ATP1A4: variants seen among roughly 807,000 people sequenced by gnomAD.
ATP1A4 encodes the protein ATPase Na+/K+ transporting subunit alpha 4.
A neutral mutation model predicts 114.3 loss-of-function variants in ATP1A4; 90 were observed. The observed-to-expected ratio is 0.79, with a 90% CI of 0.66 to 0.94. ATP1A4 has a LOEUF of 0.94. Ranked by LOEUF, ATP1A4 falls within the 40% of genes least tolerant of loss-of-function variation. ATP1A4 has a pLI of 0.00. For synonymous variants in ATP1A4, 511 were observed against 494.1 expected (o/e 1.03, Z -0.45); for missense variants, 1,222 against 1,313.6 (o/e 0.93, Z 1.08).
chr1:160,152,708 G>A (rs147008381), intron 1 of ATP1A4, among the ~76,000 whole-genome samples: 2 of 152,226 alleles, frequency 1.3e-5, no homozygotes, highest in African/African-American at 2.4e-5. Flanking sequence ...CCGAACCCCC[G>A]TGAAATGTTT....
rs777428254 is a variant in ATP1A4 at position 160,156,071 on chromosome 1, C to A, written c.438C>A (p.Val146=). The stretch of plus-strand genomic sequence containing the variant: ...TCTACCTGAGCATCGTACTGTCCGT[C>A]GTGGTCATCGTCACTGGCTGCTTCT... ...DNLYLSIVLS[V]VVIVTGCFSY... The change falls in exon 4 of 22, where the codon GTC becomes GTA. Residue 146 remains valine (V), a synonymous_variant. Transcript: ENST00000368081. 1 of 1,613,672 alleles carries A rather than the reference C, an allele frequency of 6.2e-7. No individual in the cohort carries two copies. The highest frequency in any genetic ancestry group is 1.1e-5 in the South Asian group (1 of 91,072).
In ATP1A4 at chr1:160,181,752, G is replaced by A. The variant is rs770276208; in HGVS notation, c.2805G>A (p.Val935=). The part of the protein sequence containing the change: ...QTAFFVTIVV[V]QWADLIISKT... ...CCTTTTTTGTCACCATCGTGGTTGT[G>A]CAGTGGGCGGATCTCATCATCTCCA... The change falls in exon 19 of 22, where the codon GTG becomes GTA. Residue 935 remains valine, a synonymous_variant. Coordinates refer to ENST00000368081, the MANE Select transcript of ATP1A4 (RefSeq NM_144699.4). 3 of 1,614,016 alleles carry A rather than the reference G, an allele frequency of 1.9e-6. No homozygotes were observed. Among genetic ancestry groups the A allele is most frequent in the Non-Finnish European group, 8.5e-7 (1 of 1,180,014 alleles).
chr1:160,159,767 A>G (rs7541968), intron 6 of ATP1A4, among the ~76,000 whole-genome samples: 37,996 of 152,172 alleles, frequency 0.25, 6,036 homozygotes, highest in East Asian at 0.35. Flanking sequence ...TATATGTAAA[A>G]TGCCCAGCAC....
At chr1:160,156,413 A>G (rs1420781233) in intron 4 of ATP1A4, among the ~76,000 whole-genome samples, 1 of 132,066 alleles carries the variant, frequency 7.6e-6, no homozygotes, top group Non-Finnish European at 1.6e-5. Context: ...CACCATACAA[A>G]CCCCAAATAA....
At position 160,151,988 on chromosome 1, in the gene ATP1A4, C is replaced by T. The variant is rs1477616933; in HGVS notation, c.-53C>T. Reference sequence around the variant, plus strand: ...CCTCTTCCCTTCCCCTTGCCTCACTCTCTCAGCTTTCTTCCCACAGTTGAG... The same window carrying T: ...CCTCTTCCCTTCCCCTTGCCTCACTTTCTCAGCTTTCTTCCCACAGTTGAG... On this transcript the variant is annotated 5_prime_UTR_variant, in exon 1 of 22. Coordinates refer to ENST00000368081, the MANE Select transcript of ATP1A4 (RefSeq NM_144699.4). The T allele has an allele frequency of 6.3e-7, 1 of 1,577,538 alleles. No homozygotes were observed. Among genetic ancestry groups the T allele is most frequent in the African/African-American group, 1.4e-5 (1 of 73,506 alleles).
intron 1 of ATP1A4, among the ~76,000 whole-genome samples, chr1:160,152,762 C>A (rs892807789): frequency 6.6e-6 from 1 of 152,058 alleles, no homozygotes; most frequent in Non-Finnish European, 1.5e-5. Context: ...CTAGGCCGGG[C>A]GTGGTGGCTC....
intron 18 of ATP1A4, 122 bp from the exon 19 acceptor site, chr1:160,181,555 CAAAAAAA>C (rs36029758): frequency 6.1e-6 from 5 of 817,978 alleles, no homozygotes; most frequent in East Asian, 3.1e-5. Flanking sequence ...GACTTAGTCT[CAAAAAAA>C]AAAAAAAAAA....
chr1:160,178,688 A>C (rs2101653292), intron 18 of ATP1A4, among the ~76,000 whole-genome samples: 1 of 152,176 alleles, frequency 6.6e-6, no homozygotes, highest in East Asian at 1.9e-4. Context: ...AAAAAAAAAA[A>C]CAAAACCCTG....
Position 160,155,082 on chromosome 1 carries a change from G to T in ATP1A4, c.245G>T (p.Arg82Leu), listed in dbSNP as rs774454907. 6.2e-7 allele frequency: 1 copy of T among 1,614,008 alleles called. No homozygotes were observed. The highest frequency in any genetic ancestry group is 1.3e-5 in the African/African-American group (1 of 75,008). ...SHQRAKEILTRGGPNTVTPPP... is the reference protein window; with the variant it reads ...SHQRAKEILTLGGPNTVTPPP... The stretch of plus-strand genomic sequence containing the variant: ...CAAAGGGCAAAGGAAATCCTGACTC[G>T]AGGTGGACCCAATACTGTTACCCCA... The change falls in exon 3 of 22, where the codon CGA becomes CTA. Residue 82 changes from arginine to leucine, a missense_variant. Coordinates refer to ENST00000368081, the MANE Select transcript of ATP1A4 (RefSeq NM_144699.4).
At chr1:160,160,249 C>G (rs777603422) in intron 6 of ATP1A4, among the ~76,000 whole-genome samples, 16 of 152,202 alleles carry the variant, frequency 1.1e-4, no homozygotes, top group Non-Finnish European at 2.2e-4. Flanking sequence ...CAGAGTCTCT[C>G]TCTGTTGCTC....
rs138774641 is a variant in ATP1A4 at position 160,164,183 on chromosome 1, C to T, written c.806C>T (p.Thr269Met). Residue 269 changes from threonine to methionine, a missense_variant, in exon 7 of 22, where the codon ACG becomes ATG. By Grantham distance (81) the Thr-to-Met change is moderately conservative. Transcript: ENST00000368081. Reference sequence around the variant, plus strand: ...ACCGCCCGGGGTATTGTGATTGCTACGGGAGACTCCACAGTGATGGGCAGA... The same window carrying T: ...ACCGCCCGGGGTATTGTGATTGCTATGGGAGACTCCACAGTGATGGGCAGA... ...EGTARGIVIATGDSTVMGRIA... is the reference protein window; with the variant it reads ...EGTARGIVIAMGDSTVMGRIA... 3.8e-5 allele frequency: 62 copies of T among 1,614,194 alleles called. No individual in the cohort carries two copies. The highest frequency in any genetic ancestry group is 4.7e-5 in the Non-Finnish European group (56 of 1,180,030).
intron 10 of ATP1A4, among the ~76,000 whole-genome samples, chr1:160,168,449 C>T (rs1034707534): frequency 8.3e-5 from 11 of 131,820 alleles, no homozygotes; most frequent in African/African-American, 3.1e-4. Context: ...ATGGCGCAAT[C>T]TTGGCTCACT....
At chr1:160,169,826 C>T (rs1366616837) in intron 10 of ATP1A4, 2 of 152,232 alleles carry the variant, frequency 1.3e-5, no homozygotes, top group Non-Finnish European at 2.9e-5. Context: ...GTGCCCTTTC[C>T]CTCCCCCACC....
Position 160,155,302 on chromosome 1 carries a change from C to T in ATP1A4, c.411+54C>T, listed in dbSNP as rs570667578. On this transcript the variant is annotated intron_variant, in intron 3 of 21. Transcript: ENST00000368081. ...CCCTATCTCTGCTTAGCCCCAGACA[C>T]TCTTTTGCTCAGCAGCCTAGCACTC... 4 of 1,491,862 alleles carry T rather than the reference C, an allele frequency of 2.7e-6. No homozygotes were observed. The Admixed American group carries it at 5.6e-5, about 21-fold the overall frequency. The allele number at this position is 1,491,862 out of a possible 1,614,324, so 92.4% of individuals were successfully genotyped here.
At position 160,174,100 on chromosome 1, in the gene ATP1A4, T is replaced by C; in HGVS notation, c.1992-11T>C. The C allele has an allele frequency of 6.2e-7, 1 of 1,612,326 alleles. No homozygotes were observed. Among genetic ancestry groups the C allele is most frequent in the Non-Finnish European group, 8.5e-7 (1 of 1,179,150 alleles). Reference sequence around the variant, plus strand: ...ACTCAAAACTAGCCTTTTGAAATTATTTTCCCTCAGTGCTGCCAAAGCCAT... The same window carrying C: ...ACTCAAAACTAGCCTTTTGAAATTACTTTCCCTCAGTGCTGCCAAAGCCAT... On this transcript the variant is annotated splice_polypyrimidine_tract_variant and intron_variant, in intron 13 of 21. Coordinates refer to ENST00000368081, the MANE Select transcript of ATP1A4 (RefSeq NM_144699.4).
chr1:160,178,540 T>C (rs1653568283), intron 18 of ATP1A4, among the ~76,000 whole-genome samples: 1 of 151,976 alleles, frequency 6.6e-6, no homozygotes, highest in African/African-American at 2.4e-5. Flanking sequence ...CTGGGTATGG[T>C]CGTGGGTGCC....
intron 15 of ATP1A4, 32 bp from the exon 16 acceptor site, chr1:160,176,060 G>C: frequency 6.2e-7 from 1 of 1,613,416 alleles, no homozygotes; most frequent in Non-Finnish European, 8.5e-7. Flanking sequence ...TTCTCCCAGG[G>C]CTTCTCACAG....
In ATP1A4 at chr1:160,173,742, T is replaced by C. The variant is rs1291156529; in HGVS notation, c.1991+25T>C. The C allele has an allele frequency of 3.1e-6, 5 of 1,607,038 alleles. No homozygotes were observed. In the African/African-American group the frequency reaches 6.7e-5, roughly 21 times the overall value. ...GGTGAGATCACTAAAGAACTCAAGA[T>C]CTGCCATGTTCCCTCCATCCCCAGC... On this transcript the variant is annotated intron_variant, in intron 13 of 21. Transcript: ENST00000368081.
chr1:160,171,559 T>C (rs372753540), intron 11 of ATP1A4, 26 bp from the exon 12 acceptor site: 99 of 1,609,708 alleles, frequency 6.2e-5, no homozygotes, highest in Non-Finnish European at 7.0e-5. Context: ...GGATGACTAC[T>C]GGTCCCTCCC....
Sources: gnomAD v4.1 joint callset for allele counts (sites outside exome capture counted in the v4.1 genomes callset) on GRCh38, gnomAD v4.1.1 for gene constraint, MANE v1.5 for transcripts, NCBI Gene and HGNC (gene_info 2026-07-23, HGNC 2026-07-21) for gene names.